Variants in MYO1B observed in about 807,000 individuals in gnomAD.
The protein encoded by MYO1B is myosin IB.
MYO1B carries 72 observed loss-of-function variants against 159.7 expected under a neutral mutation model. The observed-to-expected ratio is 0.45, with a 90% CI of 0.37 to 0.55. The LOEUF (loss-of-function observed/expected upper bound fraction) is 0.55, where lower values mean the gene tolerates loss of function less well. Among genes scored for constraint, MYO1B ranks in the 20% least tolerant of loss-of-function variants. The pLI, the probability that MYO1B is intolerant of heterozygous loss-of-function variation, is 0.00. For missense variants in MYO1B, 1,062 were observed against 1,364.8 expected (o/e 0.78, Z 3.50); for synonymous variants, 468 against 473.8 (o/e 0.99, Z 0.16).
Position 191,392,157 on chromosome 2 carries a change from T to C in MYO1B, c.2032T>C (p.Tyr678His), listed in dbSNP as rs1486447359. ...TGAATTAGAAATTCCCGTGGAAGAA[T>C]ACTCCTTTGGTAGATCAAAGATATT... ...FNELEIPVEE[Y>H]SFGRSKIFIR... Residue 678 changes from tyrosine (Y) to histidine (H), a missense_variant, in exon 19 of 31, where the codon TAC becomes CAC. Tyr to His is a moderately conservative substitution (Grantham distance 83). Transcript: ENST00000392318. 3 of 1,610,316 alleles carry C rather than the reference T, an allele frequency of 1.9e-6. No individual in the cohort carries two copies. Among genetic ancestry groups the C allele is most frequent in the Non-Finnish European group, 2.5e-6 (3 of 1,177,178 alleles).
At chr2:191,400,252 T>C in intron 21 of MYO1B, 130 bp from the exon 22 acceptor site, 1 of 994,158 alleles carries the variant, frequency 1.0e-6, no homozygotes, top group African/African-American at 1.6e-5. Context: ...CACCTTCGCC[T>C]TCTTTAACCT....
At chr2:191,249,551 AGAGTGGCACTGG>A (rs1215400324) in intron 1 of MYO1B, among the ~76,000 whole-genome samples, 1 of 152,192 alleles carries the variant, frequency 6.6e-6, no homozygotes, top group Non-Finnish European at 1.5e-5. Context: ...GGTGGCACTG[AGAGTGGCACTGG>A]GCAAGAGGTA....
At chr2:191,258,363 A>G (rs1686584243) in intron 1 of MYO1B, among the ~76,000 whole-genome samples, 1 of 152,212 alleles carries the variant, frequency 6.6e-6, no homozygotes, top group Admixed American at 6.5e-5. Flanking sequence ...GCACTTATGA[A>G]TAGAGCTTGC....
At chr2:191,415,893 T>C (rs1487423324) in intron 29 of MYO1B, among the ~76,000 whole-genome samples, 1 of 152,198 alleles carries the variant, frequency 6.6e-6, no homozygotes, top group Non-Finnish European at 1.5e-5. Flanking sequence ...GTGCTTCTGC[T>C]GCATCCACCG....
chr2:191,373,089 A>T (rs1206377018), intron 13 of MYO1B, among the ~76,000 whole-genome samples: 1 of 151,700 alleles, frequency 6.6e-6, no homozygotes, highest in Non-Finnish European at 1.5e-5. Context: ...TGACTTCATG[A>T]TCCACCCACC....
At chr2:191,366,421 T>C (rs1039133552) in intron 11 of MYO1B, among the ~76,000 whole-genome samples, 7 of 152,096 alleles carry the variant, frequency 4.6e-5, no homozygotes, top group African/African-American at 1.7e-4. Flanking sequence ...TCAGAGTATC[T>C]GGTTCTACTG....
At chr2:191,277,618 A>G (rs1045315376) in intron 2 of MYO1B, among the ~76,000 whole-genome samples, 8 of 152,230 alleles carry the variant, frequency 5.3e-5, no homozygotes, top group Non-Finnish European at 8.8e-5. Context: ...GTCTTTATAA[A>G]GGATTTCACA....
chr2:191,379,041 A>G (rs1033693199), intron 13 of MYO1B, among the ~76,000 whole-genome samples: 1 of 152,182 alleles, frequency 6.6e-6, no homozygotes, highest in Non-Finnish European at 1.5e-5. Context: ...ACCCTCCCCT[A>G]GCAAACCACA....
intron 3 of MYO1B, among the ~76,000 whole-genome samples, chr2:191,297,779 G>A (rs549670457): frequency 2.1e-4 from 32 of 152,270 alleles, no homozygotes; most frequent in Non-Finnish European, 3.4e-4. Flanking sequence ...TCAAAATGGG[G>A]CAGTTTAAAA....
intron 1 of MYO1B, among the ~76,000 whole-genome samples, chr2:191,273,377 C>T (rs964178556): frequency 6.6e-6 from 1 of 152,196 alleles, no homozygotes; most frequent in African/African-American, 2.4e-5. Flanking sequence ...CTTGCCTCGG[C>T]CTCCCAAAGT....
chr2:191,264,070 A>G (rs1686978907), intron 1 of MYO1B, among the ~76,000 whole-genome samples: 1 of 152,192 alleles, frequency 6.6e-6, no homozygotes, highest in South Asian at 2.1e-4. Context: ...CATTAGAAAA[A>G]CCAGAAATTG....
intron 18 of MYO1B, among the ~76,000 whole-genome samples, chr2:191,390,839 T>G (rs889367406): frequency 6.6e-6 from 1 of 150,424 alleles, no homozygotes; most frequent in Admixed American, 6.6e-5. Context: ...CATGAAGAAT[T>G]TGGCTGCAGA....
At chr2:191,354,444 C>G (rs1472066080) in intron 7 of MYO1B, among the ~76,000 whole-genome samples, 2 of 151,842 alleles carry the variant, frequency 1.3e-5, no homozygotes, top group Non-Finnish European at 2.9e-5. Context: ...AAAAATACTT[C>G]TAAATGAATG....
chr2:191,331,623 A>G (rs1691481653), intron 4 of MYO1B, among the ~76,000 whole-genome samples: 1 of 152,232 alleles, frequency 6.6e-6, no homozygotes, highest in Non-Finnish European at 1.5e-5. Flanking sequence ...TCATCCAGAA[A>G]AAAAATTATT....
intron 4 of MYO1B, among the ~76,000 whole-genome samples, chr2:191,338,200 A>C (rs1031728349): frequency 3.3e-5 from 5 of 152,100 alleles, no homozygotes; most frequent in African/African-American, 2.4e-5. Context: ...TTTTGGAGAA[A>C]ATACTAATAC....
At chr2:191,314,471 T>G (rs1218728376) in intron 3 of MYO1B, among the ~76,000 whole-genome samples, 1 of 152,226 alleles carries the variant, frequency 6.6e-6, no homozygotes, top group East Asian at 1.9e-4. Flanking sequence ...CTGATTTTCT[T>G]GGAACCAATA....
chr2:191,288,834 G>A (rs1342759931), intron 2 of MYO1B, among the ~76,000 whole-genome samples: 1 of 152,156 alleles, frequency 6.6e-6, no homozygotes, highest in Non-Finnish European at 1.5e-5. Context: ...TTTTTGCGTT[G>A]GAAGTAATGG....
Position 191,400,825 on chromosome 2 carries a change from T to C in MYO1B, c.2459T>C (p.Leu820Pro). 1 of 1,614,000 alleles carries C rather than the reference T, an allele frequency of 6.2e-7. No homozygotes were observed. Reference sequence around the variant, plus strand: ...ATTGCAGTTATTTGGGCTTACTGGCTTGGATCTAAGGTACTTGATGCACAT... The same window carrying C: ...ATTGCAGTTATTTGGGCTTACTGGCCTGGATCTAAGGTACTTGATGCACAT... ...HAIAVIWAYWLGSKARRELKR... is the reference protein window; with the variant it reads ...HAIAVIWAYWPGSKARRELKR... Residue 820 changes from leucine to proline, a missense_variant, in exon 23 of 31, where the codon CTT (leucine) becomes CCT (proline). Leu to Pro is a moderately conservative substitution (Grantham distance 98, BLOSUM62 -3). This residue lies in a region of MYO1B where 609 missense variants were observed against 744.4 expected (regional missense o/e 0.82). Transcript: ENST00000392318.
intron 1 of MYO1B, among the ~76,000 whole-genome samples, chr2:191,268,667 GCTT>G (rs1687283162): frequency 1.3e-5 from 2 of 152,324 alleles, no homozygotes; most frequent in East Asian, 3.9e-4. Flanking sequence ...CTGTCACCAT[GCTT>G]CATTCTTCTC....
Sources: allele counts gnomAD v4.1 joint callset (sites outside exome capture counted in the v4.1 genomes callset), GRCh38; gene constraint gnomAD v4.1.1; regional missense constraint gnomAD v4.1.1; transcripts MANE v1.5; gene names NCBI Gene and HGNC (gene_info 2026-07-23, HGNC 2026-07-21).